ADGRA2: variants seen among roughly 807,000 people sequenced by gnomAD.
ADGRA2 encodes adhesion G protein-coupled receptor A2.
In ADGRA2, 61 loss-of-function variants were observed where a neutral mutation model predicts 98.7. The ratio of observed to expected loss-of-function variants is 0.62; its 90% confidence interval spans 0.50 to 0.76. The LOEUF is 0.76. Ranked by LOEUF, ADGRA2 falls within the 30% of genes least tolerant of loss-of-function variation. ADGRA2 has a pLI of 0.00. For missense variants in ADGRA2, 1,712 were observed against 1,860.0 expected (o/e 0.92, Z 1.46); for synonymous variants, 858 against 831.5 (o/e 1.03, Z -0.55).
chr8:37,817,489 G>A (rs1805013607), intron 2 of ADGRA2, among the ~76,000 whole-genome samples: 1 of 150,094 alleles, frequency 6.7e-6, no homozygotes, highest in Non-Finnish European at 1.5e-5. Flanking sequence ...CAGATTGCTT[G>A]AGCTCAGGAG....
rs767025914 is a variant in ADGRA2, at chr8:37,841,179, G to A, written c.2841G>A (p.Gly947=). The A allele has an allele frequency of 6.2e-7, 1 of 1,613,186 alleles. No individual in the cohort carries two copies. Among genetic ancestry groups the A allele is most frequent in the Admixed American group, 1.7e-5 (1 of 60,022 alleles). Reference sequence around the variant, plus strand: ...CCTGGATCTATTTCCTGTGCGCCGGGCTACGCTTACGGGGTCCTCTGGCAC... The same window carrying A: ...CCTGGATCTATTTCCTGTGCGCCGGACTACGCTTACGGGGTCCTCTGGCAC... The part of the protein sequence containing the change: ...LITWIYFLCA[G]LRLRGPLAQN... Residue 947 remains glycine, a synonymous_variant, in exon 19 of 19, where the codon GGG becomes GGA. Coordinates refer to ENST00000412232, the MANE Select transcript of ADGRA2 (RefSeq NM_032777.10). The surrounding 1 kb of genome is among the most constrained non-coding windows in gnomAD (Gnocchi z 5.0).
chr8:37,832,183 T>G (rs1805476614), intron 8 of ADGRA2, among the ~76,000 whole-genome samples: 1 of 151,386 alleles, frequency 6.6e-6, no homozygotes, highest in Admixed American at 6.6e-5. Flanking sequence ...TGCCTCAGCC[T>G]CCCCGGTAGC....
intron 8 of ADGRA2, among the ~76,000 whole-genome samples, chr8:37,832,119 C>CTT (rs35211276): frequency 0.66 from 96,068 of 146,038 alleles, 32,270 homozygotes; most frequent in East Asian, 0.84. Context: ...CAGAAAAAGA[C>CTT]TTTTTTTTTT....
chr8:37,816,506 C>G (rs1404516293), intron 2 of ADGRA2, among the ~76,000 whole-genome samples: 2 of 150,174 alleles, frequency 1.3e-5, no homozygotes, highest in African/African-American at 4.9e-5. Context: ...GCACCAGAAT[C>G]TCTTGAACCT....
chr8:37,842,037 C>T lies in ADGRA2; in HGVS notation c.3699C>T (p.Ser1233=), dbSNP rs1372371432. 6.6e-7 allele frequency: 1 copy of T among 1,519,268 alleles called. No homozygotes were observed. The highest frequency in any genetic ancestry group is 2.0e-5 in the Admixed American group (1 of 49,182). 94.1% of individuals were successfully genotyped at this position (1,519,268 alleles called of 1,614,324 possible). ...GCCCCACCGACAGCTACCTGGGCAG[C>T]AGCCGCAACAGCCCGGGCGCCGGCC... ...HNSPTDSYLG[S]SRNSPGAGLQ... Residue 1233 remains serine (S), a synonymous_variant, in exon 19 of 19, where the codon AGC becomes AGT. Coordinates refer to ENST00000412232, the MANE Select transcript of ADGRA2 (RefSeq NM_032777.10).
Position 37,816,560 on chromosome 8 carries a change from C to T in ADGRA2, c.338+1593C>T, listed in dbSNP as rs556039879. 4.6e-5 allele frequency among the ~76,000 whole-genome samples: 7 copies of T among 151,742 alleles called. No individual in the cohort carries two copies. In the East Asian group the frequency reaches 1.2e-3, roughly 25 times the overall value. On this transcript the variant is annotated intron_variant, in intron 2 of 18. Coordinates refer to ENST00000412232, the MANE Select transcript of ADGRA2 (RefSeq NM_032777.10). Reference sequence around the variant, plus strand: ...TAAGCTGAGATTGCGCCACTGCACTCCAGCCTGTGTGACAGAGCGAGACTC... The same window carrying T: ...TAAGCTGAGATTGCGCCACTGCACTTCAGCCTGTGTGACAGAGCGAGACTC...
At position 37,840,238 on chromosome 8, in the gene ADGRA2, G is replaced by T; in HGVS notation, c.2629G>T (p.Ala877Ser). Reference protein sequence around the residue: ...RAPPPQEGDPALPTPSPMLRF... With the variant: ...RAPPPQEGDPSLPTPSPMLRF... ...ACCCCCTCCGCAAGAAGGGGACCCC[G>T]CTCTGCCTACTCCCAGTCCTATGCT... Residue 877 changes from alanine (A) to serine (S), a missense_variant, in exon 17 of 19, where the codon GCT (alanine) becomes TCT (serine). Transcript: ENST00000412232. 6.2e-7 allele frequency: 1 copy of T among 1,612,730 alleles called. No homozygotes were observed.
chr8:37,808,792 A>G (rs1804748036), intron 1 of ADGRA2, among the ~76,000 whole-genome samples: 2 of 152,042 alleles, frequency 1.3e-5, no homozygotes, highest in East Asian at 3.9e-4. Context: ...ACCTCTAGAA[A>G]AACTTTTTTC....
chr8:37,812,057 G>A (rs548269347), intron 1 of ADGRA2, among the ~76,000 whole-genome samples: 3 of 152,018 alleles, frequency 2.0e-5, no homozygotes, highest in East Asian at 2.0e-4. Context: ...AGCCGACATC[G>A]TGCCATTGCA....
Position 37,830,624 on chromosome 8 carries a change from C to CCCCCCA in ADGRA2, c.719-86_719-85insCCCCCA. On this transcript the variant is annotated intron_variant, in intron 6 of 18. Coordinates refer to ENST00000412232, the MANE Select transcript of ADGRA2 (RefSeq NM_032777.10). The surrounding 1 kb of genome is among the most constrained non-coding windows in gnomAD (Gnocchi z 4.8). ...GCAGGCCGAGGGCCCCGCCCCGCCC[C>CCCCCCA]ACCCCATCCTGCTGGACTCTCGCTC... 1.6e-6 allele frequency: 1 copy of CCCCCCA among 630,720 alleles called. No individual in the cohort carries two copies. The highest frequency in any genetic ancestry group is 2.8e-6 in the Non-Finnish European group (1 of 351,534). The allele number at this position is 630,720 out of a possible 1,614,324, so 39.1% of individuals were successfully genotyped here.
rs1357273209 is a variant in ADGRA2 at position 37,833,134 on chromosome 8, C to T, written c.1222C>T (p.Arg408Cys). ...RASRRCDRAG[R>C]WEPGDYSHCL... ...CTCCCGCCGGTGTGACCGTGCCGGCCGCTGGGAGCCAGGGGACTACTCCCA... is the reference window on the plus strand; with the variant it reads ...CTCCCGCCGGTGTGACCGTGCCGGCTGCTGGGAGCCAGGGGACTACTCCCA... Residue 408 changes from arginine to cysteine, a missense_variant, in exon 9 of 19, where the codon CGC becomes TGC. Arg to Cys is a radical substitution (Grantham distance 180). Coordinates refer to ENST00000412232, the MANE Select transcript of ADGRA2 (RefSeq NM_032777.10). 29 of 1,613,024 alleles carry T rather than the reference C, an allele frequency of 1.8e-5. No homozygotes were observed. The highest frequency in any genetic ancestry group is 4.5e-5 in the East Asian group (2 of 44,884).
intron 12 of ADGRA2, 54 bp from the exon 13 acceptor site, chr8:37,835,500 C>T (rs1805583390): frequency 3.2e-5 from 47 of 1,491,120 alleles, no homozygotes; most frequent in Non-Finnish European, 4.2e-5. Flanking sequence ...GGCTGCAAGA[C>T]ATCAGTGCTC....
In ADGRA2 at chr8:37,842,919, T is replaced by C. The variant is rs1381575559; in HGVS notation, c.*564T>C. ...AGATCCACTATGCAAGAGGGGAGGG[T>C]GGGGCCACGTGAAAGGCAGCTCTAG... On this transcript the variant is annotated 3_prime_UTR_variant, in exon 19 of 19. Transcript: ENST00000412232. 6.6e-6 allele frequency: 1 copy of C among 152,018 alleles called. No individual in the cohort carries two copies. The highest frequency in any genetic ancestry group is 1.5e-5 in the Non-Finnish European group (1 of 68,024). The allele number at this position is 152,018 out of a possible 1,614,324, so 9.4% of individuals were successfully genotyped here.
intron 13 of ADGRA2, 147 bp downstream of exon 13, chr8:37,835,917 GGGCAGA>G: frequency 1.6e-6 from 1 of 625,428 alleles, no homozygotes; most frequent in Non-Finnish European, 2.9e-6. Flanking sequence ...TTTCCCAACA[GGGCAGA>G]GGGTAGAGAT....
In ADGRA2 at chr8:37,844,516, CA is replaced by C; in HGVS notation, c.*2162del. Reference sequence around the variant, plus strand: ...CAGGGAGGGTTAGGGACACTCGTGGCAGCCTGTCTAGCAGCCTGGGCTCTCT... The same window carrying C: ...CAGGGAGGGTTAGGGACACTCGTGGCGCCTGTCTAGCAGCCTGGGCTCTCT... On this transcript the variant is annotated 3_prime_UTR_variant, in exon 19 of 19. Coordinates refer to ENST00000412232, the MANE Select transcript of ADGRA2 (RefSeq NM_032777.10). 1 of 1,613,352 alleles carries C rather than the reference CA, an allele frequency of 6.2e-7. No homozygotes were observed. The highest frequency in any genetic ancestry group is 8.5e-7 in the Non-Finnish European group (1 of 1,179,992).
chr8:37,835,604 C>T lies in ADGRA2; in HGVS notation c.1884C>T (p.Ser628=). The change falls in exon 13 of 19, where the codon TCC becomes TCT. Residue 628 remains serine, a synonymous_variant. Coordinates refer to ENST00000412232, the MANE Select transcript of ADGRA2 (RefSeq NM_032777.10). ...SIQLPPSLFS[S]LPAALAPPVP... is the part of the protein sequence containing the mutation. ...AGCTGCCCCCGAGTCTATTCTCATCCCTTCCGGCTGCCCTGGCTCCCCCGG... is the reference window on the plus strand; with the variant it reads ...AGCTGCCCCCGAGTCTATTCTCATCTCTTCCGGCTGCCCTGGCTCCCCCGG... 1 of 1,613,838 alleles carries T rather than the reference C, an allele frequency of 6.2e-7. No homozygotes were observed. The highest frequency in any genetic ancestry group is 8.5e-7 in the Non-Finnish European group (1 of 1,179,786).
In ADGRA2 at chr8:37,830,456, T is replaced by C. The variant is rs1183239433; in HGVS notation, c.719-254T>C. ...CCCCTTGGGACTGCTTGTTTATGTT[T>C]TCATCTGGCCCCACCTCTTGGGGTA... On this transcript the variant is annotated intron_variant, in intron 6 of 18. Coordinates refer to ENST00000412232, the MANE Select transcript of ADGRA2 (RefSeq NM_032777.10). This position sits in a 1 kb window ranked among gnomAD's most constrained non-coding sequence, Gnocchi z 4.8. 6.6e-6 allele frequency among the ~76,000 whole-genome samples: 1 copy of C among 152,148 alleles called. No homozygotes were observed. The highest frequency in any genetic ancestry group is 1.5e-5 in the Non-Finnish European group (1 of 68,032).
At position 37,843,284 on chromosome 8, in the gene ADGRA2, C is replaced by G. The variant is rs905647962; in HGVS notation, c.*929C>G. Reference sequence around the variant, plus strand: ...CCCTAGTCTCAGCCTTACAACACCACGGGACTAAGGAAGAGCACTTCCTTG... The same window carrying G: ...CCCTAGTCTCAGCCTTACAACACCAGGGGACTAAGGAAGAGCACTTCCTTG... On this transcript the variant is annotated 3_prime_UTR_variant, in exon 19 of 19. Coordinates refer to ENST00000412232, the MANE Select transcript of ADGRA2 (RefSeq NM_032777.10). 1.3e-5 allele frequency: 2 copies of G among 152,206 alleles called. No individual in the cohort carries two copies. The highest frequency in any genetic ancestry group is 2.9e-5 in the Non-Finnish European group (2 of 68,052). The allele number at this position is 152,206 out of a possible 1,614,324, so 9.4% of individuals were successfully genotyped here. A position where few individuals can be genotyped will look rare whatever the true frequency, so the allele number is the denominator to read the frequency against.
In ADGRA2 at chr8:37,833,228, C is replaced by T; in HGVS notation, c.1296+20C>T. On this transcript the variant is annotated intron_variant, in intron 9 of 18. Transcript: ENST00000412232. ...GTGCTGGTGAGGAGAGGCTAGGGCA[C>T]CCCACCAGCTCTGCTTCGGGGGCAC... The T allele has an allele frequency of 6.3e-7, 1 of 1,579,798 alleles. No individual in the cohort carries two copies. The highest frequency in any genetic ancestry group is 1.1e-5 in the South Asian group (1 of 89,402).
Sources: gnomAD v4.1 joint callset for allele counts (sites outside exome capture counted in the v4.1 genomes callset) on GRCh38, gnomAD v4.1.1 for gene constraint, Gnocchi (gnomAD v3.1) non-coding constraint, MANE v1.5 for transcripts, NCBI Gene and HGNC (gene_info 2026-07-23, HGNC 2026-07-21) for gene names.